POLE: variants seen among roughly 807,000 people sequenced by gnomAD.
POLE encodes DNA polymerase epsilon catalytic subunit A.
A neutral mutation model predicts 279.2 loss-of-function variants in POLE; 188 were observed. That is an observed-to-expected ratio of 0.67 (90% CI 0.60 to 0.76). The LOEUF (loss-of-function observed/expected upper bound fraction) is 0.76. Among genes scored for constraint, POLE ranks in the 30% least tolerant of loss-of-function variants. The probability of loss-of-function intolerance (pLI) is 0.00; values close to 1 mark genes in which losing one functional copy is unlikely to be tolerated. For missense variants in POLE, 2,703 were observed against 3,016.7 expected (o/e 0.90, Z 2.44); for synonymous variants, 1,214 against 1,172.5 (o/e 1.04, Z -0.72).
In POLE at chr12:132,632,783, G is replaced by T; in HGVS notation, c.6017C>A (p.Ala2006Asp). Residue 2006 changes from alanine to aspartate, a missense_variant, in exon 44 of 49, where the codon GCC (alanine) becomes GAC (aspartate). By Grantham distance (126) the Ala-to-Asp change is moderately radical. Transcript: ENST00000320574. ...CCCGTCCTTCATGCAGTGGTACACG[G>T]CCACGATGTACGCTGTGGAGAGGCA... ...FLMIVSAYIV[A>D]VYHCMKDGLR... The T allele has an allele frequency of 6.2e-7, 1 of 1,608,780 alleles. No homozygotes were observed.
At chr12:132,635,662 C>T (rs1401082014) in intron 42 of POLE, among the ~76,000 whole-genome samples, 1 of 152,268 alleles carries the variant, frequency 6.6e-6, no homozygotes, top group Non-Finnish European at 1.5e-5. Flanking sequence ...CATGGGCCTC[C>T]ACCTCCCTGT....
chr12:132,664,271 C>T lies in POLE; in HGVS notation c.2561+99G>A. 2 of 1,297,078 alleles carry T rather than the reference C, an allele frequency of 1.5e-6. No individual in the cohort carries two copies. Among genetic ancestry groups the T allele is most frequent in the South Asian group, 2.4e-5 (2 of 83,284 alleles). 80.3% of individuals were successfully genotyped at this position (1,297,078 alleles called of 1,614,324 possible). A position where few individuals can be genotyped will look rare whatever the true frequency, so the allele number is the denominator to read the frequency against. ...GGCCTCCAGCCTTCCCTCCTTCCTT[C>T]CTGCCCAGTGTGTGGCCTCCAGCCT... is the stretch of plus-strand genomic sequence containing the variant. On this transcript the variant is annotated intron_variant, in intron 22 of 48. Transcript: ENST00000320574. This position sits in a 1 kb window ranked among gnomAD's most constrained non-coding sequence, Gnocchi z 5.3.
At chr12:132,660,259 G>GC (rs896171907) in intron 25 of POLE, 3 of 152,958 alleles carry the variant, frequency 2.0e-5, no homozygotes, top group Non-Finnish European at 2.9e-5. Flanking sequence ...CTGACCACAG[G>GC]CCCCCCACAT....
intron 25 of POLE, 59 bp from the exon 26 acceptor site, chr12:132,659,568 C>T (rs2138680148): frequency 6.9e-7 from 1 of 1,442,848 alleles, no homozygotes; most frequent in East Asian, 2.3e-5. Flanking sequence ...CTGAGCTCAC[C>T]CTGGACTGTG....
intron 45 of POLE, among the ~76,000 whole-genome samples, chr12:132,631,865 C>A (rs5745035): frequency 1.2e-3 from 178 of 152,262 alleles, no homozygotes; most frequent in African/African-American, 4.2e-3. Flanking sequence ...CTGGTCCCAG[C>A]GCCCCTCACA....
At chr12:132,672,957 T>C (rs2042965237) in intron 14 of POLE, 118 bp from the exon 15 acceptor site, 1 of 957,182 alleles carries the variant, frequency 1.0e-6, no homozygotes, top group African/African-American at 1.6e-5. Context: ...TCGTGGTAAA[T>C]GGCTGCAAAT....
rs1343048638 is a variant in POLE at position 132,676,198 on chromosome 12, G to A, written c.916C>T (p.Leu306Phe). 2.5e-6 allele frequency: 4 copies of A among 1,611,126 alleles called. No homozygotes were observed. Among genetic ancestry groups the A allele is most frequent in the Admixed American group, 1.7e-5 (1 of 59,880 alleles). ...ISYMIDGQGY[L>F]ITNREIVSED... ...GAAACAATCTCCCTGTTGGTGATGA[G>A]GTAGCCCTAGCCAAGTTCATTAGCA... Residue 306 changes from leucine to phenylalanine, a missense_variant, in exon 10 of 49, where the codon CTC becomes TTC. By Grantham distance (22) the Leu-to-Phe change is conservative. This residue lies in a region of POLE where 1,011 missense variants were observed against 1,111.7 expected (regional missense o/e 0.91). Transcript: ENST00000320574.
intron 45 of POLE, among the ~76,000 whole-genome samples, chr12:132,631,846 C>G (rs2041940090): frequency 6.6e-6 from 1 of 152,184 alleles, no homozygotes; most frequent in Non-Finnish European, 1.5e-5. Context: ...GTCTTCCCTC[C>G]TCCTGCACCT....
chr12:132,679,003 G>C (rs547121889), intron 6 of POLE, among the ~76,000 whole-genome samples: 129 of 152,306 alleles, frequency 8.5e-4, no homozygotes, highest in African/African-American at 3.0e-3. Context: ...AGGTTCTTCC[G>C]AAGTCATCTA....
chr12:132,657,255 T>C lies in POLE; in HGVS notation c.3463A>G (p.Lys1155Glu), dbSNP rs2042564326. The C allele has an allele frequency of 6.2e-7, 1 of 1,614,014 alleles. No individual in the cohort carries two copies. Among genetic ancestry groups the C allele is most frequent in the South Asian group, 1.1e-5 (1 of 91,054 alleles). The change falls in exon 29 of 49, where the codon AAG (lysine) becomes GAG (glutamate). Residue 1155 changes from lysine (K) to glutamate (E), a missense_variant. Physicochemically the swap from Lys to Glu is moderately conservative, Grantham distance 56. This residue lies in a region of POLE where 1,551 missense variants were observed against 1,686.1 expected (regional missense o/e 0.92). Transcript: ENST00000320574. ...TGTTTGACACGTGGCACTGGGTTCT[T>C]TACCTGTGTGAGGCCAACACCCATC... is the stretch of plus-strand genomic sequence containing the variant. ...ITIPAALQQV[K>E]NPVPRVKHPD...
chr12:132,640,548 CCT>C (rs1244201532), intron 39 of POLE, among the ~76,000 whole-genome samples: 2 of 152,266 alleles, frequency 1.3e-5, no homozygotes, highest in African/African-American at 4.8e-5. Context: ...CTGTACACGC[CCT>C]GTCTGGCCCC....
intron 23 of POLE, among the ~76,000 whole-genome samples, chr12:132,663,241 C>T (rs1380152171): frequency 6.6e-6 from 1 of 152,318 alleles, no homozygotes; most frequent in African/African-American, 2.4e-5. Context: ...TGTGTATTTA[C>T]GACTGAAGAG....
intron 32 of POLE, among the ~76,000 whole-genome samples, chr12:132,648,227 C>T (rs1338043155): frequency 1.3e-5 from 2 of 152,014 alleles, no homozygotes; most frequent in Non-Finnish European, 2.9e-5. Flanking sequence ...AATGCCCAAA[C>T]AGGCAAACCC....
chr12:132,673,586 C>CCGTGGCCATCCGGCA lies in POLE; in HGVS notation c.1333_1347dup (p.Cys445_Thr449dup), dbSNP rs1292290862. 6.2e-7 allele frequency: 1 copy of CCGTGGCCATCCGGCA among 1,612,460 alleles called. No homozygotes were observed. The highest frequency in any genetic ancestry group is 2.2e-5 in the East Asian group (1 of 44,898). On this transcript the variant is annotated inframe_insertion, in exon 13 of 49. Transcript: ENST00000320574. ...TGTGGCTTACGTGCCTGGGGCTGCT[C>CCGTGGCCATCCGGCA]CGTGGCCATCCGGCACATGTCCTCC... is the stretch of plus-strand genomic sequence containing the variant.
At chr12:132,649,254 T>C in intron 31 of POLE, 52 bp downstream of exon 31, 1 of 1,576,612 alleles carries the variant, frequency 6.3e-7, no homozygotes, top group Non-Finnish European at 8.7e-7. Context: ...GGACACCCCC[T>C]CCCTGGGCCA....
At chr12:132,633,047 A>C in intron 43 of POLE, 3 of 409,600 alleles carry the variant, frequency 7.3e-6, no homozygotes, top group South Asian at 4.1e-5. Flanking sequence ...CATGTACACT[A>C]AGCCTCTCAC....
rs769386598 is a variant in POLE, at chr12:132,659,330, G to T, written c.3240C>A (p.Ile1080=). 1 of 1,613,034 alleles carries T rather than the reference G, an allele frequency of 6.2e-7. No individual in the cohort carries two copies. The highest frequency in any genetic ancestry group is 8.5e-7 in the Non-Finnish European group (1 of 1,180,026). ...KDAGLSCRYI[I]SRKPEGSPVT... ...CAGGGGAGCCCTCGGGCTTGCGGGA[G>T]ATGATGTAGCGGCAACTCAGCCCTG... The change falls in exon 26 of 49, where the codon ATC becomes ATA. Residue 1080 remains isoleucine (I), a synonymous_variant. Coordinates refer to ENST00000320574, the MANE Select transcript of POLE (RefSeq NM_006231.4).
chr12:132,641,356 G>A (rs2042136878), intron 39 of POLE: 2 of 478,072 alleles, frequency 4.2e-6, no homozygotes, highest in Non-Finnish European at 7.7e-6. Flanking sequence ...TCCCTGTGAT[G>A]TACCTTTGGT....
At chr12:132,659,262 C>A (rs2138673242) in intron 26 of POLE, 33 bp downstream of exon 26, 1 of 1,602,998 alleles carries the variant, frequency 6.2e-7, no homozygotes, top group Non-Finnish European at 8.5e-7. Flanking sequence ...ATGGGAGGAG[C>A]CCTCACCTCT....
Sources: gnomAD v4.1 joint callset for allele counts (sites outside exome capture counted in the v4.1 genomes callset) on GRCh38, gnomAD v4.1.1 for gene constraint, gnomAD v4.1.1 regional missense constraint, Gnocchi (gnomAD v3.1) non-coding constraint, MANE v1.5 for transcripts, NCBI Gene and HGNC (gene_info 2026-07-23, HGNC 2026-07-21) for gene names.